AKAP19: variants seen among roughly 807,000 people sequenced by gnomAD.
The protein encoded by AKAP19 is small A-kinase anchoring protein.
the AKAP19 span, among the ~76,000 whole-genome samples, chr2:190,188,431 A>G: frequency 6.6e-6 from 1 of 152,258 alleles, no homozygotes; most frequent in Non-Finnish European, 1.5e-5. Flanking sequence ...CATTTAATGT[A>G]TCACACCTTC....
chr2:190,196,872 A>G, the AKAP19 span, among the ~76,000 whole-genome samples: 4 of 152,192 alleles, frequency 2.6e-5, no homozygotes, highest in Non-Finnish European at 5.9e-5. Flanking sequence ...TCAGGATGGT[A>G]TAACAAAATA....
At chr2:190,145,489 A>G in the AKAP19 span, among the ~76,000 whole-genome samples, 1 of 152,220 alleles carries the variant, frequency 6.6e-6, no homozygotes, top group African/African-American at 2.4e-5. Context: ...CATGCACTGC[A>G]TAATAATGTT....
At chr2:190,139,999 T>C in the AKAP19 span, among the ~76,000 whole-genome samples, 1 of 152,122 alleles carries the variant, frequency 6.6e-6, no homozygotes, top group Non-Finnish European at 1.5e-5. Flanking sequence ...GTACAGGCAT[T>C]GGGTAAATAC....
chr2:190,030,968 T>C, the AKAP19 span, among the ~76,000 whole-genome samples: 4 of 152,144 alleles, frequency 2.6e-5, no homozygotes, highest in East Asian at 7.7e-4. Context: ...TTTAGAGAGA[T>C]AAGGTGAGGC....
the AKAP19 span, among the ~76,000 whole-genome samples, chr2:190,050,160 C>T: frequency 2.0e-5 from 3 of 152,202 alleles, no homozygotes; most frequent in Admixed American, 6.5e-5. Context: ...AGACAGGCAG[C>T]ATTTACAGAC....
At chr2:190,079,309 C>T in the AKAP19 span, 1 of 152,190 alleles carries the variant, frequency 6.6e-6, no homozygotes, top group Non-Finnish European at 1.5e-5. Context: ...TCCTGCTCCA[C>T]ACCATTTAGT....
the AKAP19 span, among the ~76,000 whole-genome samples, chr2:190,195,347 GA>G: frequency 1.3e-5 from 2 of 149,252 alleles, no homozygotes; most frequent in East Asian, 3.8e-4. Flanking sequence ...CCAAGAAGCA[GA>G]ACTGCTGGAT....
At chr2:190,151,149 T>G in the AKAP19 span, among the ~76,000 whole-genome samples, 1 of 152,204 alleles carries the variant, frequency 6.6e-6, no homozygotes, top group Non-Finnish European at 1.5e-5. Context: ...ATGGGATATT[T>G]TTGACATACA....
chr2:190,174,991 A>ATAGAT, the AKAP19 span, among the ~76,000 whole-genome samples: 1 of 104,998 alleles, frequency 9.5e-6, no homozygotes, highest in Non-Finnish European at 2.5e-5. Context: ...AGCACATAAG[A>ATAGAT]TACATAGATT....
the AKAP19 span, among the ~76,000 whole-genome samples, chr2:190,196,752 T>C: frequency 6.6e-6 from 1 of 152,192 alleles, no homozygotes; most frequent in Non-Finnish European, 1.5e-5. Context: ...GAAGCTTTAT[T>C]GGATATAGCC....
the AKAP19 span, among the ~76,000 whole-genome samples, chr2:190,027,457 A>G: frequency 1.3e-4 from 20 of 152,248 alleles, no homozygotes; most frequent in African/African-American, 4.6e-4. Context: ...AGGAATTATT[A>G]GAATGAAGAT....
the AKAP19 span, among the ~76,000 whole-genome samples, chr2:190,013,368 C>G: frequency 6.6e-6 from 1 of 151,972 alleles, no homozygotes. Context: ...TGTATTTCTT[C>G]TTGATTATCC....
chr2:189,950,688 T>C, the AKAP19 span, among the ~76,000 whole-genome samples: 1 of 152,222 alleles, frequency 6.6e-6, no homozygotes. Flanking sequence ...CATGTAGATA[T>C]GAGAGATAAG....
chr2:190,109,126 C>A, the AKAP19 span, among the ~76,000 whole-genome samples: 6 of 152,168 alleles, frequency 3.9e-5, no homozygotes, highest in East Asian at 1.2e-3. Context: ...CCAGAGCCAA[C>A]GGAAAAGATA....
chr2:189,996,723 A>G, the AKAP19 span, among the ~76,000 whole-genome samples: 1 of 152,284 alleles, frequency 6.6e-6, no homozygotes, highest in Admixed American at 6.5e-5. Context: ...TGGATAGACT[A>G]TTTTAGTGGA....
At chr2:189,912,142 G>GT in the AKAP19 span, among the ~76,000 whole-genome samples, 8 of 151,670 alleles carry the variant, frequency 5.3e-5, no homozygotes, top group East Asian at 7.7e-4. Flanking sequence ...CTTATTATTT[G>GT]TTTTTTTCAG....
the AKAP19 span, among the ~76,000 whole-genome samples, chr2:189,980,648 A>G: frequency 6.6e-6 from 1 of 152,184 alleles, no homozygotes; most frequent in East Asian, 1.9e-4. Flanking sequence ...ATTTTCACTT[A>G]TAAGTGAGAG....
At chr2:190,060,695 G>A in the AKAP19 span, among the ~76,000 whole-genome samples, 1 of 151,954 alleles carries the variant, frequency 6.6e-6, no homozygotes, top group East Asian at 1.9e-4. Context: ...TATGGACAAA[G>A]GAAGGTTCTA....
chr2:190,200,306 T>G, the AKAP19 span: 1 of 657,564 alleles, frequency 1.5e-6, no homozygotes, highest in Non-Finnish European at 2.7e-6. Context: ...GAAATGCATT[T>G]TAAGTACTTC....
Sources: allele counts gnomAD v4.1 joint callset (sites outside exome capture counted in the v4.1 genomes callset), GRCh38; gene constraint gnomAD v4.1.1; transcripts MANE v1.5; gene names NCBI Gene and HGNC (gene_info 2026-07-23, HGNC 2026-07-21).